KDM3A: variants seen among roughly 807,000 people sequenced by gnomAD.
KDM3A encodes the protein lysine demethylase 3A, also known as lysine-specific demethylase 3A.
A neutral mutation model predicts 158.0 loss-of-function variants in KDM3A; 60 were observed. The ratio of observed to expected loss-of-function variants is 0.38; its 90% CI spans 0.31 to 0.47. The LOEUF (loss-of-function observed/expected upper bound fraction) is 0.47. Among genes scored for constraint, KDM3A ranks in the 20% least tolerant of loss-of-function variants. The pLI, the probability that KDM3A is intolerant of heterozygous loss-of-function variation, is 0.99. For synonymous variants in KDM3A, 608 were observed against 549.3 expected, an observed-to-expected ratio of 1.11 and a Z score of -1.49; for missense variants, 1,319 against 1,574.3, an observed-to-expected ratio of 0.84 and a Z score of 2.74.
At chr2:86,442,902 C>T (rs1308661470) in intron 2 of KDM3A, among the ~76,000 whole-genome samples, 1 of 151,886 alleles carries the variant, frequency 6.6e-6, no homozygotes, top group Non-Finnish European at 1.5e-5. Flanking sequence ...TGCACTTGGA[C>T]GCATGAGGGG....
At position 86,441,424 on chromosome 2, in the gene KDM3A, C is replaced by T. The variant is rs558680514; in HGVS notation, c.-51C>T. ...TGGAAACGGCGGCTGCCGCCGGTGACTCAGGGAGGCGGGAGGCGGGGTAAG... is the reference window on the plus strand; with the variant it reads ...TGGAAACGGCGGCTGCCGCCGGTGATTCAGGGAGGCGGGAGGCGGGGTAAG... On this transcript the variant is annotated 5_prime_UTR_variant, in exon 1 of 26. Transcript: ENST00000312912. 6.6e-6 allele frequency: 1 copy of T among 152,460 alleles called. No homozygotes were observed. The highest frequency in any genetic ancestry group is 6.5e-5 in the Admixed American group (1 of 15,310). 9.4% of individuals were successfully genotyped at this position (152,460 alleles called of 1,614,324 possible). A position where few individuals can be genotyped will look rare whatever the true frequency, so the allele number is the denominator to read the frequency against.
At chr2:86,458,331 C>G (rs1200996009) in intron 8 of KDM3A, among the ~76,000 whole-genome samples, 1 of 152,196 alleles carries the variant, frequency 6.6e-6, no homozygotes, top group Non-Finnish European at 1.5e-5. Flanking sequence ...GTGTCTGAAG[C>G]CTCTGTCCTC....
chr2:86,466,147 A>T (rs1032820154), intron 9 of KDM3A, among the ~76,000 whole-genome samples: 2 of 151,660 alleles, frequency 1.3e-5, no homozygotes, highest in South Asian at 4.1e-4. Context: ...GTGCAGACAT[A>T]ATTTAGGGTT....
At chr2:86,446,461 G>GGT (rs1682960769) in intron 2 of KDM3A, among the ~76,000 whole-genome samples, 1 of 152,158 alleles carries the variant, frequency 6.6e-6, no homozygotes. Context: ...CCAATAATTT[G>GGT]GTAGGCCAAG....
Position 86,482,526 on chromosome 2 carries a change from G to T in KDM3A, c.2754G>T (p.Lys918Asn), listed in dbSNP as rs1415339695. 2 of 1,614,152 alleles carry T rather than the reference G, an allele frequency of 1.2e-6. No homozygotes were observed. Among genetic ancestry groups the T allele is most frequent in the Non-Finnish European group, 1.7e-6 (2 of 1,180,024 alleles). ...TCTTTGCCTCTTTGGTGCAAAATAA[G>T]ACGACTTCTGATTTATCTAAGAGGC... ...DDIFASLVQN[K>N]TTSDLSKRPQ... Residue 918 changes from lysine to asparagine, a missense_variant, in exon 18 of 26, where the codon AAG (lysine) becomes AAT (asparagine). Transcript: ENST00000312912.
chr2:86,468,159 G>A lies in KDM3A; in HGVS notation c.1519+1276G>A, dbSNP rs148039978. Among the ~76,000 whole-genome samples the A allele has an allele frequency of 5.7e-3, 870 of 152,308 alleles. 7 individuals carry two copies. The highest frequency in any genetic ancestry group is 0.019 in the African/African-American group (775 of 41,558). Reference sequence around the variant, plus strand: ...AGGGCAAGATGGCTGGATTTGACTTGCGAATCTTTTTAGTATAGCATTGGA... The same window carrying A: ...AGGGCAAGATGGCTGGATTTGACTTACGAATCTTTTTAGTATAGCATTGGA... On this transcript the variant is annotated intron_variant, in intron 10 of 25. Transcript: ENST00000312912.
chr2:86,450,226 CTGTT>C (rs1224737640), intron 3 of KDM3A, among the ~76,000 whole-genome samples: 1 of 152,290 alleles, frequency 6.6e-6, no homozygotes, highest in African/African-American at 2.4e-5. Flanking sequence ...ACATATAGAT[CTGTT>C]TGGTTTGGCC....
At chr2:86,443,615 C>G (rs768445489) in intron 2 of KDM3A, 12 of 152,258 alleles carry the variant, frequency 7.9e-5, no homozygotes, top group Non-Finnish European at 1.5e-4. Flanking sequence ...AGGACACATA[C>G]GTAGGAATTG....
chr2:86,457,019 C>T lies in KDM3A; in HGVS notation c.791C>T (p.Ser264Phe). ...SARIGAVKRK[S>F]SENNGTLVSK... ...AGAATTGGAGCTGTAAAACGCAAGT[C>T]TTCTGAGAATAATGGAACCCTGGTT... The change falls in exon 8 of 26, where the codon TCT becomes TTT. Residue 264 changes from serine (S) to phenylalanine (F), a missense_variant. Ser to Phe is a radical substitution (Grantham distance 155). Coordinates refer to ENST00000312912, the MANE Select transcript of KDM3A (RefSeq NM_018433.6). The T allele has an allele frequency of 1.2e-6, 2 of 1,602,796 alleles. No homozygotes were observed. Among genetic ancestry groups the T allele is most frequent in the Non-Finnish European group, 1.7e-6 (2 of 1,173,340 alleles).
chr2:86,437,801 T>G (rs112226509), upstream of KDM3A, among the ~76,000 whole-genome samples: 36 of 152,290 alleles, frequency 2.4e-4, no homozygotes, highest in African/African-American at 8.4e-4. Flanking sequence ...TATGTTCTAA[T>G]TGATGCTTGC....
chr2:86,451,345 A>G (rs1672459934), intron 4 of KDM3A, 132 bp downstream of exon 4: 1 of 530,496 alleles, frequency 1.9e-6, no homozygotes, highest in Admixed American at 3.7e-5. Flanking sequence ...TAAAACATCT[A>G]CATATAACTT....
upstream of KDM3A, chr2:86,440,662 C>T (rs146101741): frequency 3.3e-5 from 5 of 152,356 alleles, no homozygotes; most frequent in East Asian, 7.7e-4. Flanking sequence ...CCAGTAACTC[C>T]ACGCCTTTCT....
At chr2:86,491,567 G>A (rs1674455840) in intron 25 of KDM3A, 2 of 410,912 alleles carry the variant, frequency 4.9e-6, no homozygotes, top group South Asian at 3.1e-5. Flanking sequence ...TGGCCCAGCT[G>A]CCTGTCGGGG....
chr2:86,474,616 A>G (rs1261237059), intron 11 of KDM3A, among the ~76,000 whole-genome samples, 160 bp from the exon 12 acceptor site: 1 of 151,030 alleles, frequency 6.6e-6, no homozygotes, highest in Non-Finnish European at 1.5e-5. Context: ...GTGAGCCGAG[A>G]TGGCACCACT....
At chr2:86,464,680 G>C (rs1288571408) in intron 9 of KDM3A, among the ~76,000 whole-genome samples, 1 of 152,202 alleles carries the variant, frequency 6.6e-6, no homozygotes, top group African/African-American at 2.4e-5. Context: ...ATATCTGTAG[G>C]TGGTAACTGT....
chr2:86,480,087 C>T (rs528220949), intron 15 of KDM3A, 80 bp from the exon 16 acceptor site: 9 of 1,082,302 alleles, frequency 8.3e-6, no homozygotes, highest in South Asian at 5.2e-5. Context: ...ACTTGTTGGT[C>T]GGCTATTAGG....
intron 10 of KDM3A, among the ~76,000 whole-genome samples, chr2:86,468,339 A>G (rs886667475): frequency 6.6e-6 from 1 of 152,240 alleles, no homozygotes; most frequent in African/African-American, 2.4e-5. Flanking sequence ...GTACATATTC[A>G]TAACCATATC....
intron 4 of KDM3A, among the ~76,000 whole-genome samples, chr2:86,453,960 T>C (rs930679554): frequency 3.3e-5 from 5 of 152,198 alleles, no homozygotes; most frequent in Non-Finnish European, 7.3e-5. Flanking sequence ...TGGCAAGTTA[T>C]TCCTATTGAC....
At chr2:86,491,950 GT>G (rs1435948215) in intron 25 of KDM3A, 88 bp from the exon 26 acceptor site, 26 of 807,138 alleles carry the variant, frequency 3.2e-5, no homozygotes, top group Non-Finnish European at 5.0e-5. Flanking sequence ...CTGAGAGAAG[GT>G]AATAAAATTA....
Sources: gnomAD v4.1 joint callset for allele counts (sites outside exome capture counted in the v4.1 genomes callset) on GRCh38, gnomAD v4.1.1 for gene constraint, MANE v1.5 for transcripts, NCBI Gene and HGNC (gene_info 2026-07-23, HGNC 2026-07-21) for gene names.